Variants in GSAP observed in about 807,000 individuals in gnomAD.
The protein encoded by GSAP is gamma-secretase-activating protein.
Under a neutral mutation model 131.7 loss-of-function variants are expected in GSAP, and 118 were observed. The ratio of observed to expected loss-of-function variants is 0.90; its 90% CI spans 0.77 to 1.04. GSAP has a LOEUF of 1.04. GSAP is among the 50% of genes least tolerant of loss of function. The probability of loss-of-function intolerance (pLI) is 0.00; values close to 1 mark genes in which losing one functional copy is unlikely to be tolerated. For synonymous variants in GSAP, 381 were observed against 363.4 expected (o/e 1.05, Z -0.55); for missense variants, 1,019 against 1,013.2 (o/e 1.01, Z -0.08).
In GSAP at chr7:77,406,050, T is replaced by C. The variant is rs892317626; in HGVS notation, c.165A>G (p.Gly55=). The change falls in exon 2 of 31, where the codon GGA becomes GGG. Residue 55 remains glycine, a synonymous_variant. Transcript: ENST00000257626. ...ATACCTTATAGGTATAAATAATATT[T>C]CCATTTCTTTCAACATTTAATACAT... ...SLHVLNVERN[G]NIIYTYKDDK... The C allele has an allele frequency of 1.7e-5, 18 of 1,035,550 alleles. No individual in the cohort carries two copies. The highest frequency in any genetic ancestry group is 2.4e-5 in the Non-Finnish European group (18 of 753,120). 64.1% of individuals were successfully genotyped at this position (1,035,550 alleles called of 1,614,324 possible).
Position 77,320,788 on chromosome 7 carries a change from C to A in GSAP, c.2026G>T (p.Val676Phe), listed in dbSNP as rs1554373947. The stretch of plus-strand genomic sequence containing the variant: ...AGAATCCTGGTCATGATGTGAAAAA[C>A]TGCAAATTCAGCAGCACTGCCACGA... Reference protein sequence around the residue: ...NSRGSAAEFAVFHIMTRILEA... With the variant: ...NSRGSAAEFAFFHIMTRILEA... Residue 676 changes from valine to phenylalanine, a missense_variant, in exon 26 of 31, where the codon GTT (valine) becomes TTT (phenylalanine). By Grantham distance (50) the Val-to-Phe change is conservative. Coordinates refer to ENST00000257626, the MANE Select transcript of GSAP (RefSeq NM_017439.4). The A allele has an allele frequency of 6.2e-7, 1 of 1,612,274 alleles. No homozygotes were observed. The highest frequency in any genetic ancestry group is 8.5e-7 in the Non-Finnish European group (1 of 1,178,416).
At chr7:77,348,955 C>T (rs751331529) in intron 19 of GSAP, among the ~76,000 whole-genome samples, 6 of 149,210 alleles carry the variant, frequency 4.0e-5, no homozygotes, top group Non-Finnish European at 8.9e-5. Flanking sequence ...TGTGTGTGTG[C>T]ACGTGCACGT....
chr7:77,314,081 C>T (rs752850543), intron 27 of GSAP, among the ~76,000 whole-genome samples: 2 of 152,070 alleles, frequency 1.3e-5, no homozygotes, highest in African/African-American at 2.4e-5. Context: ...CTTAGGACCT[C>T]GTGAAGGGCT....
intron 19 of GSAP, among the ~76,000 whole-genome samples, chr7:77,341,038 C>A (rs190021294): frequency 6.6e-6 from 1 of 152,126 alleles, no homozygotes; most frequent in Non-Finnish European, 1.5e-5. Context: ...TGTGTAACAC[C>A]GCTTGGCCCC....
At chr7:77,358,968 C>T (rs552985185) in intron 14 of GSAP, among the ~76,000 whole-genome samples, 42 of 152,170 alleles carry the variant, frequency 2.8e-4, no homozygotes, top group African/African-American at 9.6e-4. Flanking sequence ...AGGTGGATCA[C>T]GAGGTCAGGA....
chr7:77,406,358 TATACTG>T (rs1802268462), intron 1 of GSAP, among the ~76,000 whole-genome samples: 1 of 152,220 alleles, frequency 6.6e-6, no homozygotes, highest in African/African-American at 2.4e-5. Context: ...ATGTTTTGGG[TATACTG>T]ATATACTCTG....
rs1342411919 is a variant in GSAP, at chr7:77,320,712, A to G, written c.2089+13T>C. ...AATTTATTATACCAAAGGACAAAAGAGCCAACACTTACCAGGAGGCAGAGG... is the reference window on the plus strand; with the variant it reads ...AATTTATTATACCAAAGGACAAAAGGGCCAACACTTACCAGGAGGCAGAGG... On this transcript the variant is annotated intron_variant, in intron 26 of 30. Coordinates refer to ENST00000257626, the MANE Select transcript of GSAP (RefSeq NM_017439.4). The G allele has an allele frequency of 6.9e-7, 1 of 1,446,456 alleles. No individual in the cohort carries two copies. The highest frequency in any genetic ancestry group is 9.7e-7 in the Non-Finnish European group (1 of 1,027,112). The allele number at this position is 1,446,456 out of a possible 1,614,324, so 89.6% of individuals were successfully genotyped here. A position where few individuals can be genotyped will look rare whatever the true frequency, so the allele number is the denominator to read the frequency against.
At position 77,382,651 on chromosome 7, in the gene GSAP, A is replaced by G. The variant is rs533959033; in HGVS notation, c.457-8T>C. 2.1e-6 allele frequency: 3 copies of G among 1,453,398 alleles called. No homozygotes were observed. The highest frequency in any genetic ancestry group is 1.4e-5 in the African/African-American group (1 of 71,950). The allele number at this position is 1,453,398 out of a possible 1,614,324, so 90.0% of individuals were successfully genotyped here. A position where few individuals can be genotyped will look rare whatever the true frequency, so the allele number is the denominator to read the frequency against. On this transcript the variant is annotated splice_region_variant and splice_polypyrimidine_tract_variant and intron_variant, in intron 6 of 30. Transcript: ENST00000257626. ...AATATGTGGGTAGAGAAACTGTAAA[A>G]AAGAAATTAATCATAATTGTAAGCA...
At chr7:77,349,161 G>C (rs919746033) in intron 19 of GSAP, among the ~76,000 whole-genome samples, 190 bp downstream of exon 19, 3 of 152,112 alleles carry the variant, frequency 2.0e-5, no homozygotes, top group Admixed American at 2.0e-4. Flanking sequence ...GAGCATTCCT[G>C]AGAATTGCCA....
At chr7:77,396,851 C>A in intron 5 of GSAP, 131 bp downstream of exon 5, 1 of 500,222 alleles carries the variant, frequency 2.0e-6, no homozygotes, top group Non-Finnish European at 3.5e-6. Flanking sequence ...CTTGACATGA[C>A]CTTTGCCTTT....
chr7:77,378,577 T>G (rs987184600), intron 8 of GSAP, among the ~76,000 whole-genome samples: 20 of 151,900 alleles, frequency 1.3e-4, no homozygotes, highest in African/African-American at 4.1e-4. Flanking sequence ...TTTGAAATAT[T>G]TGTTTACTAA....
rs1395571898 is a variant in GSAP at position 77,362,702 on chromosome 7, T to C, written c.872-42A>G. ...ATTTAGTAGAGTTTAACAGAATCTA[T>C]GTCATAAATAAAGTTTCCTAAACCA... On this transcript the variant is annotated intron_variant, in intron 12 of 30. Transcript: ENST00000257626. The C allele has an allele frequency of 7.0e-6, 8 of 1,145,390 alleles. No homozygotes were observed. In the Admixed American group the frequency reaches 1.0e-4, roughly 15 times the overall value. The allele number at this position is 1,145,390 out of a possible 1,614,324, so 71.0% of individuals were successfully genotyped here. A position where few individuals can be genotyped will look rare whatever the true frequency, so the allele number is the denominator to read the frequency against.
At chr7:77,353,439 G>A in intron 17 of GSAP, 133 bp downstream of exon 17, 1 of 592,336 alleles carries the variant, frequency 1.7e-6, no homozygotes, top group East Asian at 2.8e-5. Flanking sequence ...CTCCGATAGA[G>A]TTTTGTTTTT....
chr7:77,405,357 G>A (rs1164659113), intron 2 of GSAP, among the ~76,000 whole-genome samples: 1 of 152,132 alleles, frequency 6.6e-6, no homozygotes, highest in African/African-American at 2.4e-5. Flanking sequence ...TCTGAAGAGA[G>A]TAATCATATT....
At chr7:77,385,590 C>T (rs1392656556) in intron 6 of GSAP, among the ~76,000 whole-genome samples, 1 of 152,070 alleles carries the variant, frequency 6.6e-6, no homozygotes, top group African/African-American at 2.4e-5. Context: ...GTGCTCTGTC[C>T]CCAGCCTCCC....
chr7:77,347,630 G>A, intron 19 of GSAP, among the ~76,000 whole-genome samples: 1 of 152,244 alleles, frequency 6.6e-6, no homozygotes, highest in East Asian at 1.9e-4. Flanking sequence ...ATCCTATGGA[G>A]TCATTAGAAA....
chr7:77,328,441 T>A lies in GSAP; in HGVS notation c.1765+165A>T, dbSNP rs746718087. On this transcript the variant is annotated intron_variant, in intron 22 of 30. Coordinates refer to ENST00000257626, the MANE Select transcript of GSAP (RefSeq NM_017439.4). ...GGAGGTCCTGGTGCCTAGACAGACA[T>A]GGGAAGAGCCGTGCGGCCACTCTAA... is the stretch of plus-strand genomic sequence containing the variant. 208 of 1,349,794 alleles carry A rather than the reference T, an allele frequency of 1.5e-4. 1 individual carries two copies. Among genetic ancestry groups the A allele is most frequent in the Non-Finnish European group, 5.7e-5 (60 of 1,049,698 alleles). 83.6% of individuals were successfully genotyped at this position (1,349,794 alleles called of 1,614,324 possible).
chr7:77,386,454 T>C (rs1294111305), intron 6 of GSAP, among the ~76,000 whole-genome samples: 1 of 152,196 alleles, frequency 6.6e-6, no homozygotes. Flanking sequence ...GGATAAATTC[T>C]TGGAAGCCTC....
chr7:77,321,119 G>A (rs1375413484), intron 25 of GSAP, among the ~76,000 whole-genome samples: 4 of 152,096 alleles, frequency 2.6e-5, no homozygotes, highest in Non-Finnish European at 5.9e-5. Context: ...GTAAAGTAAC[G>A]GGCATAACTT....
Sources: allele counts gnomAD v4.1 joint callset (sites outside exome capture counted in the v4.1 genomes callset), GRCh38; gene constraint gnomAD v4.1.1; transcripts MANE v1.5; gene names NCBI Gene and HGNC (gene_info 2026-07-23, HGNC 2026-07-21).